The following ANKS1B variants were observed in gnomAD, a reference collection of about 807,000 sequenced individuals.
ANKS1B encodes the protein ankyrin repeat and sterile alpha motif domain-containing protein 1B.
A neutral mutation model predicts 148.3 loss-of-function variants in ANKS1B; 36 were observed. The observed-to-expected ratio is 0.24, with a 90% CI of 0.19 to 0.32. The LOEUF (loss-of-function observed/expected upper bound fraction) is 0.32, where lower values mean the gene tolerates loss of function less well. ANKS1B is among the 10% of genes least tolerant of loss of function. The pLI, the probability that ANKS1B is intolerant of heterozygous loss-of-function variation, is 1.00. For synonymous variants in ANKS1B, 542 were observed against 560.8 expected (o/e 0.97, Z 0.47); for missense variants, 1,157 against 1,542.6 (o/e 0.75, Z 4.19).
intron 8 of ANKS1B, among the ~76,000 whole-genome samples, chr12:99,693,188 AAAAC>A (rs2053383823): frequency 6.6e-6 from 1 of 152,242 alleles, no homozygotes; most frequent in Admixed American, 6.5e-5. Context: ...CAAGAAAGAG[AAAAC>A]AATCACACTT....
intron 12 of ANKS1B, among the ~76,000 whole-genome samples, chr12:99,297,757 A>G (rs1344021904): frequency 6.6e-6 from 1 of 152,066 alleles, no homozygotes; most frequent in Non-Finnish European, 1.5e-5. Context: ...GCAACTCCAG[A>G]TCTAGTGTTC....
At chr12:98,993,639 T>C (rs2099927920) in intron 17 of ANKS1B, among the ~76,000 whole-genome samples, 1 of 152,228 alleles carries the variant, frequency 6.6e-6, no homozygotes, top group Non-Finnish European at 1.5e-5. Flanking sequence ...CAAGCGGCTT[T>C]CGAAAATACT....
intron 12 of ANKS1B, among the ~76,000 whole-genome samples, chr12:99,369,885 T>TAGAC (rs2093028306): frequency 6.6e-6 from 1 of 151,812 alleles, no homozygotes; most frequent in Admixed American, 6.6e-5. Context: ...GATAGATAGA[T>TAGAC]AGATAGATAA....
In ANKS1B at chr12:99,309,408, T is replaced by C. The variant is rs547145550; in HGVS notation, c.1757-62544A>G. ...TTGTCATTAATAGTTTTCCACATAT[T>C]GAAACACTCTTATATTTTCATTAAT... On this transcript the variant is annotated intron_variant, in intron 12 of 26. Coordinates refer to ENST00000683438, the MANE Select transcript of ANKS1B (RefSeq NM_001352186.2). Among the ~76,000 whole-genome samples, 384 of 152,102 alleles carry C rather than the reference T, an allele frequency of 2.5e-3. 5 individuals carry two copies. The highest frequency in any genetic ancestry group is 0.017 in the Middle Eastern group (5 of 292).
At chr12:99,752,818 G>C (rs2061233587) in intron 8 of ANKS1B, among the ~76,000 whole-genome samples, 1 of 151,890 alleles carries the variant, frequency 6.6e-6, no homozygotes, top group South Asian at 2.1e-4. Flanking sequence ...TTATTGAGTA[G>C]TTACTATTTG....
Position 99,102,077 on chromosome 12 carries a change from G to A in ANKS1B, c.2527-17054C>T, listed in dbSNP as rs1043186465. On this transcript the variant is annotated intron_variant, in intron 15 of 26. Transcript: ENST00000683438. ...AATGCCATGAGAGAAAGAAGGAAAA[G>A]ATGAAGTTAATGAGGAAAAGAGGGA... 3.9e-5 allele frequency among the ~76,000 whole-genome samples: 6 copies of A among 152,156 alleles called. No homozygotes were observed. In the East Asian group the frequency reaches 5.8e-4, roughly 15 times the overall value.
At chr12:99,487,790 A>G (rs184694908) in intron 10 of ANKS1B, among the ~76,000 whole-genome samples, 193 of 151,988 alleles carry the variant, frequency 1.3e-3, no homozygotes, top group African/African-American at 4.4e-3. Flanking sequence ...AAAAGAATAT[A>G]TATATTCTGT....
At chr12:99,816,134 C>G (rs2069099975) in intron 2 of ANKS1B, among the ~76,000 whole-genome samples, 1 of 151,694 alleles carries the variant, frequency 6.6e-6, no homozygotes, top group Non-Finnish European at 1.5e-5. Flanking sequence ...CACCACATTC[C>G]CACCAACTTC....
At position 99,331,564 on chromosome 12, in the gene ANKS1B, C is replaced by T. The variant is rs577830312; in HGVS notation, c.1756+68067G>A. Reference sequence around the variant, plus strand: ...ACTTCATGTTCTTCTGAAAGTGGGGCGGGGAGAGCAGCAAGTCTTTCAGAA... The same window carrying T: ...ACTTCATGTTCTTCTGAAAGTGGGGTGGGGAGAGCAGCAAGTCTTTCAGAA... On this transcript the variant is annotated intron_variant, in intron 12 of 26. Transcript: ENST00000683438. Among the ~76,000 whole-genome samples the T allele has an allele frequency of 3.3e-5, 5 of 151,992 alleles. No individual in the cohort carries two copies. In the South Asian group the frequency reaches 1.0e-3, roughly 32 times the overall value.
chr12:99,734,666 C>T (rs895835157), intron 8 of ANKS1B, among the ~76,000 whole-genome samples: 8 of 152,186 alleles, frequency 5.3e-5, no homozygotes, highest in Non-Finnish European at 4.4e-5. Context: ...TCATCTTTCT[C>T]CCTGCTTTCA....
At chr12:98,912,624 C>A (rs776739249) in intron 17 of ANKS1B, among the ~76,000 whole-genome samples, 1 of 152,184 alleles carries the variant, frequency 6.6e-6, no homozygotes, top group Non-Finnish European at 1.5e-5. Context: ...CAGTATCTGG[C>A]ATATAGAACT....
chr12:99,448,822 C>T (rs560667383), intron 10 of ANKS1B, among the ~76,000 whole-genome samples: 1 of 152,108 alleles, frequency 6.6e-6, no homozygotes, highest in South Asian at 2.1e-4. Flanking sequence ...CTGCCATCAG[C>T]AGAAAAGGGA....
chr12:99,683,284 T>C (rs547742554), intron 8 of ANKS1B, among the ~76,000 whole-genome samples: 1 of 151,472 alleles, frequency 6.6e-6, no homozygotes, highest in South Asian at 2.1e-4. Flanking sequence ...CAATTAGAAA[T>C]GAAATGGGAG....
chr12:99,499,643 G>A (rs1417800210), intron 10 of ANKS1B, among the ~76,000 whole-genome samples: 1 of 152,060 alleles, frequency 6.6e-6, no homozygotes, highest in Admixed American at 6.6e-5. Context: ...CCACGAGAAA[G>A]TCCAAGTAGG....
At chr12:99,817,703 C>A (rs1432202319) in intron 2 of ANKS1B, among the ~76,000 whole-genome samples, 1 of 151,696 alleles carries the variant, frequency 6.6e-6, no homozygotes, top group Non-Finnish European at 1.5e-5. Flanking sequence ...CAGTAAAAAT[C>A]GTTTTAACTG....
At chr12:99,002,101 CA>C (rs2099933338) in intron 17 of ANKS1B, among the ~76,000 whole-genome samples, 1 of 152,166 alleles carries the variant, frequency 6.6e-6, no homozygotes, top group Non-Finnish European at 1.5e-5. Flanking sequence ...AATAATGCTG[CA>C]ATGACCATGG....
intron 1 of ANKS1B, among the ~76,000 whole-genome samples, chr12:99,906,007 G>A (rs1352745463): frequency 6.6e-6 from 1 of 152,158 alleles, no homozygotes; most frequent in Non-Finnish European, 1.5e-5. Flanking sequence ...AGGTCATATA[G>A]AGTTATTTGG....
chr12:99,186,259 C>G (rs933927805), intron 14 of ANKS1B, among the ~76,000 whole-genome samples: 1 of 152,192 alleles, frequency 6.6e-6, no homozygotes, highest in African/African-American at 2.4e-5. Context: ...ATAGATAAAA[C>G]TTCATCTTCC....
chr12:99,682,550 C>T (rs1462583145), intron 8 of ANKS1B, among the ~76,000 whole-genome samples: 3 of 152,048 alleles, frequency 2.0e-5, no homozygotes, highest in South Asian at 2.1e-4. Flanking sequence ...AAAAATTCTT[C>T]GAACTGAACA....
Sources: allele counts gnomAD v4.1 joint callset (sites outside exome capture counted in the v4.1 genomes callset), GRCh38; gene constraint gnomAD v4.1.1; transcripts MANE v1.5; gene names NCBI Gene and HGNC (gene_info 2026-07-23, HGNC 2026-07-21).